The following ZNF407 variants were observed in gnomAD, a reference collection of about 807,000 sequenced individuals.
The protein encoded by ZNF407 is zinc finger protein 407.
ZNF407 carries 17 observed loss-of-function variants against 131.2 expected under a neutral mutation model. The ratio of observed to expected loss-of-function variants is 0.13; its 90% confidence interval spans 0.09 to 0.19. ZNF407 has a LOEUF of 0.19. Ranked by LOEUF, ZNF407 falls within the 10% of genes least tolerant of loss-of-function variation. ZNF407 has a pLI of 1.00. For synonymous variants in ZNF407, 1,156 were observed against 1,062.0 expected (o/e 1.09, Z -1.72); for missense variants, 2,681 against 2,830.6 (o/e 0.95, Z 1.20).
intron 8 of ZNF407, among the ~76,000 whole-genome samples, chr18:74,934,852 T>A (rs940273764): frequency 6.6e-6 from 1 of 152,218 alleles, no homozygotes; most frequent in Non-Finnish European, 1.5e-5. Context: ...TGTCTTGGAA[T>A]GATTAAATAA....
At chr18:74,745,918 T>TTTA (rs1192784564) in intron 3 of ZNF407, among the ~76,000 whole-genome samples, 3 of 152,196 alleles carry the variant, frequency 2.0e-5, no homozygotes, top group African/African-American at 7.2e-5. Context: ...ATATCTCTTC[T>TTTA]TTATTAGTTG....
chr18:74,734,243 C>G (rs1968358963), intron 3 of ZNF407, among the ~76,000 whole-genome samples: 1 of 152,120 alleles, frequency 6.6e-6, no homozygotes, highest in Non-Finnish European at 1.5e-5. Flanking sequence ...TAAATATCAC[C>G]ATGGATACAA....
At chr18:75,012,882 TG>T (rs1278115400) in intron 8 of ZNF407, among the ~76,000 whole-genome samples, 2 of 151,942 alleles carry the variant, frequency 1.3e-5, no homozygotes, top group African/African-American at 2.4e-5. Flanking sequence ...TAGAGAGGTT[TG>T]TTTTTTTGTT....
chr18:74,956,884 C>T (rs576588866), intron 8 of ZNF407, among the ~76,000 whole-genome samples: 1 of 152,090 alleles, frequency 6.6e-6, no homozygotes, highest in African/African-American at 2.4e-5. Context: ...GTCGTAATCA[C>T]TAAATTTTGT....
At chr18:75,056,358 TGA>T (rs1568313666) in intron 8 of ZNF407, among the ~76,000 whole-genome samples, 1 of 152,250 alleles carries the variant, frequency 6.6e-6, no homozygotes. Flanking sequence ...CATGAGGTAC[TGA>T]CCAACCAACC....
chr18:74,669,281 A>AAGAC (rs1456056153), intron 3 of ZNF407, among the ~76,000 whole-genome samples: 5 of 152,128 alleles, frequency 3.3e-5, no homozygotes, highest in Non-Finnish European at 5.9e-5. Context: ...CGGCTTTCTG[A>AAGAC]CCAGGGGCCT....
intron 4 of ZNF407, among the ~76,000 whole-genome samples, chr18:74,812,875 G>C (rs182880848): frequency 5.1e-4 from 78 of 152,146 alleles, no homozygotes; most frequent in Non-Finnish European, 8.5e-4. Flanking sequence ...GCCATCCAAT[G>C]AATTCTTGAT....
intron 3 of ZNF407, among the ~76,000 whole-genome samples, chr18:74,734,028 C>G (rs8092385): frequency 0.9 from 136,926 of 152,090 alleles, 61,659 homozygotes; most frequent in Non-Finnish European, 0.9. Context: ...TGTCCCCTCT[C>G]GGTAACTGTC....
intron 4 of ZNF407, among the ~76,000 whole-genome samples, chr18:74,823,301 A>G (rs1970366834): frequency 6.6e-6 from 1 of 152,224 alleles, no homozygotes; most frequent in South Asian, 2.1e-4. Flanking sequence ...AGACTGCATC[A>G]ACTAACAGGC....
At chr18:74,861,296 C>T (rs1183831141) in intron 4 of ZNF407, among the ~76,000 whole-genome samples, 1 of 152,216 alleles carries the variant, frequency 6.6e-6, no homozygotes, top group Non-Finnish European at 1.5e-5. Flanking sequence ...AGCAGGCAAA[C>T]TGTGCTTTAT....
chr18:74,820,044 C>T (rs760366093), intron 4 of ZNF407, among the ~76,000 whole-genome samples: 5 of 152,104 alleles, frequency 3.3e-5, no homozygotes, highest in Non-Finnish European at 5.9e-5. Flanking sequence ...TAGAGTATTA[C>T]AGAAGAAGAA....
chr18:74,890,873 C>T (rs1039365950), intron 7 of ZNF407, among the ~76,000 whole-genome samples: 2 of 152,122 alleles, frequency 1.3e-5, no homozygotes, highest in Non-Finnish European at 2.9e-5. Flanking sequence ...GGACCCAATC[C>T]GTGTGTGTTC....
At chr18:74,804,014 AC>A (rs1269387555) in intron 4 of ZNF407, 3 of 1,551,814 alleles carry the variant, frequency 1.9e-6, no homozygotes, top group Admixed American at 2.0e-5. Context: ...ATACAGAACA[AC>A]AGGAACGCGT....
At chr18:74,778,043 T>C (rs963095185) in intron 3 of ZNF407, among the ~76,000 whole-genome samples, 39 of 152,192 alleles carry the variant, frequency 2.6e-4, no homozygotes, top group African/African-American at 8.7e-4. Flanking sequence ...TTAAAAAAAA[T>C]AAAAACAAAA....
chr18:74,766,825 C>G (rs1969244654), intron 3 of ZNF407, among the ~76,000 whole-genome samples: 1 of 152,178 alleles, frequency 6.6e-6, no homozygotes, highest in Non-Finnish European at 1.5e-5. Context: ...CTAAAGATAA[C>G]ATCGTTAACA....
At chr18:74,699,354 T>C (rs2144817508) in intron 3 of ZNF407, among the ~76,000 whole-genome samples, 1 of 152,276 alleles carries the variant, frequency 6.6e-6, no homozygotes, top group East Asian at 1.9e-4. Context: ...ATGATAAAAG[T>C]TGGTTTTCTG....
rs559922524 is a variant in ZNF407, at chr18:74,860,307, C to T, written c.4878-16890C>T. On this transcript the variant is annotated intron_variant, in intron 4 of 8. Transcript: ENST00000299687. Reference sequence around the variant, plus strand: ...GCAAGACCCCATCTCTTAAAAAAAACGAAGAAGAAGAAGAAGAAGAAGAAA... The same window carrying T: ...GCAAGACCCCATCTCTTAAAAAAAATGAAGAAGAAGAAGAAGAAGAAGAAA... 2.4e-4 allele frequency among the ~76,000 whole-genome samples: 36 copies of T among 150,624 alleles called. No individual in the cohort carries two copies. In the East Asian group the frequency reaches 7.0e-3, roughly 29 times the overall value.
intron 4 of ZNF407, 121 bp downstream of exon 4, chr18:74,781,623 T>G: frequency 1.5e-6 from 1 of 666,914 alleles, no homozygotes; most frequent in Non-Finnish European, 2.4e-6. Flanking sequence ...CTATTTGTGG[T>G]ACTCTTTTGT....
intron 8 of ZNF407, among the ~76,000 whole-genome samples, chr18:74,930,380 A>G (rs1971968784): frequency 6.6e-6 from 1 of 152,128 alleles, no homozygotes; most frequent in Admixed American, 6.5e-5. Flanking sequence ...CTCCAGTGGC[A>G]GCTTCCTGGT....
Sources: allele counts gnomAD v4.1 joint callset (sites outside exome capture counted in the v4.1 genomes callset), GRCh38; gene constraint gnomAD v4.1.1; transcripts MANE v1.5; gene names NCBI Gene and HGNC (gene_info 2026-07-23, HGNC 2026-07-21).